The following NR3C1 variants were observed in gnomAD, a reference collection of about 807,000 sequenced individuals.
The protein encoded by NR3C1 is glucocorticoid receptor.
NR3C1 carries 14 observed loss-of-function variants against 74.0 expected under a neutral mutation model. The ratio of observed to expected loss-of-function variants is 0.19; its 90% CI spans 0.12 to 0.30. The LOEUF is 0.30. Among genes scored for constraint, NR3C1 ranks in the 10% least tolerant of loss-of-function variants. The pLI is 1.00. For synonymous variants in NR3C1, 308 were observed against 332.5 expected (o/e 0.93, Z 0.80); for missense variants, 695 against 909.8 (o/e 0.76, Z 3.04).
At chr5:143,340,840 T>A (rs1432383569) in intron 2 of NR3C1, among the ~76,000 whole-genome samples, 4 of 152,146 alleles carry the variant, frequency 2.6e-5, no homozygotes, top group Non-Finnish European at 5.9e-5. Context: ...TTTTAAACTT[T>A]TAGGCTTGGG....
chr5:143,316,428 C>T (rs187493977), intron 2 of NR3C1, among the ~76,000 whole-genome samples: 1 of 152,300 alleles, frequency 6.6e-6, no homozygotes, highest in Admixed American at 6.5e-5. Flanking sequence ...TATATACACA[C>T]ATATGCATAT....
At chr5:143,354,784 G>A (rs1010061935) in intron 2 of NR3C1, among the ~76,000 whole-genome samples, 3 of 151,946 alleles carry the variant, frequency 2.0e-5, no homozygotes, top group African/African-American at 7.3e-5. Context: ...TTAGCCAGGC[G>A]TGGTGGCACA....
intron 2 of NR3C1, among the ~76,000 whole-genome samples, chr5:143,334,398 A>G (rs995560673): frequency 2.6e-5 from 4 of 152,184 alleles, no homozygotes; most frequent in African/African-American, 9.7e-5. Flanking sequence ...AAGAAAAGAC[A>G]GTAGCTTATG....
intron 2 of NR3C1, 92 bp downstream of exon 2, chr5:143,399,564 T>C: frequency 9.6e-7 from 1 of 1,036,276 alleles, no homozygotes; most frequent in African/African-American, 1.6e-5. Context: ...CACATGAATC[T>C]TTAGAGAACA....
chr5:143,423,954 G>A (rs1345699833), intron 1 of NR3C1, among the ~76,000 whole-genome samples: 2 of 150,578 alleles, frequency 1.3e-5, no homozygotes, highest in African/African-American at 2.4e-5. Flanking sequence ...AGTGGGGAGG[G>A]GGGATAAAGA....
exon 1 of NR3C1, chr5:143,434,721 A>C (rs1195749098): frequency 1.0e-6 from 1 of 985,332 alleles, no homozygotes; most frequent in Non-Finnish European, 1.2e-6. Flanking sequence ...TATCTGTGGC[A>C]CACAAACTGC....
chr5:143,385,049 T>C (rs971392498), intron 2 of NR3C1, among the ~76,000 whole-genome samples: 4 of 152,172 alleles, frequency 2.6e-5, no homozygotes, highest in Non-Finnish European at 2.9e-5. Context: ...TGCACACCCA[T>C]AGGCCCAACA....
rs894051292 is a variant in NR3C1 at position 143,318,518 on chromosome 5, TAA to T, written c.1185-4352_1185-4351del. 4.3e-4 allele frequency among the ~76,000 whole-genome samples: 66 copies of T among 152,300 alleles called. 1 individual carries two copies. The highest frequency in any genetic ancestry group is 3.4e-3 in the Middle Eastern group (1 of 294). On this transcript the variant is annotated intron_variant, in intron 2 of 8. Transcript: ENST00000394464. ...TGTTGACATAGTTCATTATGTAATATAAAAGAGTCACATTTGTCAAGCTCACA... is the reference window on the plus strand; with the variant it reads ...TGTTGACATAGTTCATTATGTAATATAAGAGTCACATTTGTCAAGCTCACA...
chr5:143,315,814 TTA>T (rs1448790142), intron 2 of NR3C1, among the ~76,000 whole-genome samples: 1 of 152,212 alleles, frequency 6.6e-6, no homozygotes, highest in Non-Finnish European at 1.5e-5. Context: ...TTTATAAATG[TTA>T]CCTTAAGTAA....
Position 143,281,973 on chromosome 5 carries a change from G to A in NR3C1, c.2250C>T (p.Pro750=), listed in dbSNP as rs67300719. ...FLDKTMSIEF[P]EMLAEIITNQ... The stretch of plus-strand genomic sequence containing the variant: ...TGGTGATGATTTCAGCTAACATCTC[G>A]GGGAATTCAATACTCATGGTCTTAT... The change falls in exon 9 of 9, where the codon CCC becomes CCT. Residue 750 remains proline (P), a synonymous_variant. Transcript: ENST00000394464. 1,266 of 1,613,376 alleles carry A rather than the reference G, an allele frequency of 7.8e-4. 17 individuals carry two copies. In the East Asian group the frequency reaches 0.019, roughly 25 times the overall value.
chr5:143,303,647 C>A (rs976451344), intron 4 of NR3C1, among the ~76,000 whole-genome samples: 1 of 151,994 alleles, frequency 6.6e-6, no homozygotes, highest in Non-Finnish European at 1.5e-5. Context: ...AAACTACAGG[C>A]CAATATCCCT....
exon 1 of NR3C1, chr5:143,434,959 T>C (rs1053219061): frequency 3.0e-6 from 1 of 334,416 alleles, no homozygotes; most frequent in Non-Finnish European, 4.1e-6. Context: ...CGGGTATAAC[T>C]TTTTTTTTTT....
At chr5:143,364,383 A>G (rs557812801) in intron 2 of NR3C1, among the ~76,000 whole-genome samples, 1 of 152,334 alleles carries the variant, frequency 6.6e-6, no homozygotes, top group East Asian at 1.9e-4. Flanking sequence ...AACACATGCT[A>G]AAAGGAGTCT....
intron 4 of NR3C1, among the ~76,000 whole-genome samples, chr5:143,305,733 AGG>A (rs773765817): frequency 5.3e-5 from 8 of 152,094 alleles, no homozygotes; most frequent in Non-Finnish European, 1.2e-4. Flanking sequence ...GAAATACAAG[AGG>A]GGGGATAGAG....
chr5:143,414,469 T>C (rs1841415521), intron 1 of NR3C1, among the ~76,000 whole-genome samples: 1 of 152,218 alleles, frequency 6.6e-6, no homozygotes. Context: ...ATAGGCCTGA[T>C]GGGTTTTCCA....
rs187341286 is a variant in NR3C1 at position 143,344,355 on chromosome 5, C to T, written c.1185-30187G>A. ...CACCACATCAAAATAATAGCAAAGA[C>T]AACAACTAATACTAATTAGTTATTA... On this transcript the variant is annotated intron_variant, in intron 2 of 8. Transcript: ENST00000394464. 1.1e-4 allele frequency among the ~76,000 whole-genome samples: 17 copies of T among 152,272 alleles called. No individual in the cohort carries two copies. In the East Asian group the frequency reaches 2.9e-3, roughly 26 times the overall value.
intron 2 of NR3C1, among the ~76,000 whole-genome samples, chr5:143,387,898 G>A (rs1235109076): frequency 6.6e-6 from 1 of 152,172 alleles, no homozygotes; most frequent in Non-Finnish European, 1.5e-5. Context: ...TCTGAAAAAT[G>A]AGGAAACCGA....
intron 3 of NR3C1, among the ~76,000 whole-genome samples, chr5:143,311,399 A>G (rs1291786863): frequency 2.6e-5 from 4 of 152,210 alleles, no homozygotes; most frequent in Non-Finnish European, 4.4e-5. Flanking sequence ...CATTACGCCA[A>G]TCTTGATTTC....
chr5:143,319,280 G>C (rs1198223797), intron 2 of NR3C1, among the ~76,000 whole-genome samples: 1 of 152,106 alleles, frequency 6.6e-6, no homozygotes, highest in Non-Finnish European at 1.5e-5. Context: ...TAAATTAGAG[G>C]CTTCCCTGAC....
Sources: allele counts gnomAD v4.1 joint callset (sites outside exome capture counted in the v4.1 genomes callset), GRCh38; gene constraint gnomAD v4.1.1; transcripts MANE v1.5; gene names NCBI Gene and HGNC (gene_info 2026-07-23, HGNC 2026-07-21).